FADS1: variants seen among roughly 807,000 people sequenced by gnomAD.
FADS1 encodes acyl-CoA (8-3)-desaturase.
Under a neutral mutation model 61.6 loss-of-function variants are expected in FADS1, and 17 were observed. That is an observed-to-expected ratio of 0.28 (90% CI 0.19 to 0.41). FADS1 has a LOEUF of 0.41. FADS1 is among the 10% of genes least tolerant of loss of function. The pLI, the probability that FADS1 is intolerant of heterozygous loss-of-function variation, is 1.00. For missense variants in FADS1, 387 were observed against 650.9 expected, an observed-to-expected ratio of 0.59 and a Z score of 4.41; for synonymous variants, 238 against 258.7, an observed-to-expected ratio of 0.92 and a Z score of 0.77.
chr11:61,804,614 TG>T, intron 7 of FADS1, 70 bp downstream of exon 7: 2 of 1,310,368 alleles, frequency 1.5e-6, no homozygotes, highest in South Asian at 1.2e-5. Flanking sequence ...AAGTTTCCCC[TG>T]GGGAACCCCT....
At chr11:61,806,535 G>C in intron 6 of FADS1, 129 bp downstream of exon 6, 1 of 786,782 alleles carries the variant, frequency 1.3e-6, no homozygotes, top group Non-Finnish European at 2.2e-6. Context: ...AGTAACTGGG[G>C]GTGGGAGTGG....
At position 61,816,063 on chromosome 11, in the gene FADS1, C is replaced by T; in HGVS notation, c.375+492G>A. 1 of 596,454 alleles carries T rather than the reference C, an allele frequency of 1.7e-6. No homozygotes were observed. The highest frequency in any genetic ancestry group is 1.9e-5 in the African/African-American group (1 of 53,774). The allele number at this position is 596,454 out of a possible 1,614,324, so 36.9% of individuals were successfully genotyped here. ...CCCATCCTCGAGAATGGGCTCCTTT[C>T]CTGCTCCCTCTCCGCTCCTGCTGGC... On this transcript the variant is annotated intron_variant, in intron 1 of 11. Coordinates refer to ENST00000350997, the MANE Select transcript of FADS1 (RefSeq NM_013402.7). The surrounding 1 kb of genome is among the most constrained non-coding windows in gnomAD (Gnocchi z 7.0).
intron 5 of FADS1, among the ~76,000 whole-genome samples, chr11:61,810,171 T>G (rs1269883603): frequency 2.0e-5 from 3 of 152,190 alleles, no homozygotes; most frequent in Non-Finnish European, 4.4e-5. Flanking sequence ...CTTCAGCAGC[T>G]ACATTATTTC....
intron 6 of FADS1, 194 bp from the exon 7 acceptor site, chr11:61,804,955 C>G: frequency 1.7e-6 from 1 of 585,520 alleles, no homozygotes. Context: ...AAATCCAAGT[C>G]TGGGGAAGGC....
Position 61,807,751 on chromosome 11 carries a change from C to T in FADS1, c.916-1027G>A, listed in dbSNP as rs1021355208. On this transcript the variant is annotated intron_variant, in intron 5 of 11. Coordinates refer to ENST00000350997, the MANE Select transcript of FADS1 (RefSeq NM_013402.7). The stretch of plus-strand genomic sequence containing the variant: ...ACTCCATGACTATGTCTGCATCGCA[C>T]TCCAATTAGTTCAGGTAACCAGACA... Among the ~76,000 whole-genome samples the T allele has an allele frequency of 5.9e-5, 9 of 152,296 alleles. No homozygotes were observed. The East Asian group carries it at 1.7e-3, about 29-fold the overall frequency.
intron 2 of FADS1, among the ~76,000 whole-genome samples, chr11:61,812,878 A>G (rs1297426284): frequency 6.6e-6 from 1 of 152,106 alleles, no homozygotes; most frequent in African/African-American, 2.4e-5. Context: ...TTGCTCTGCC[A>G]TTTACTAACT....
chr11:61,814,848 T>C (rs1408183507), intron 1 of FADS1: 17 of 152,292 alleles, frequency 1.1e-4, no homozygotes, highest in Non-Finnish European at 1.8e-4. Context: ...CAACTCCAGC[T>C]GGCTTCACCT....
Position 61,802,379 on chromosome 11 carries a change from CTCT to C in FADS1, c.*29_*31del. On this transcript the variant is annotated 3_prime_UTR_variant, in exon 12 of 12. Coordinates refer to ENST00000350997, the MANE Select transcript of FADS1 (RefSeq NM_013402.7). This position sits in a 1 kb window ranked among gnomAD's most constrained non-coding sequence, Gnocchi z 4.2. ...CTGCCTTGGCTCCAGAGTCTTCCTC[CTCT>C]TCTTCCAGACTGGGCAGGGTGGCTG... 6.4e-7 allele frequency: 1 copy of C among 1,552,686 alleles called. No individual in the cohort carries two copies.
chr11:61,804,562 G>C (rs1174427864), intron 7 of FADS1, 123 bp downstream of exon 7: 2 of 736,748 alleles, frequency 2.7e-6, no homozygotes, highest in Non-Finnish European at 4.7e-6. Context: ...ATCTGTGTCT[G>C]GTTCTATTAT....
rs1445577556 is a variant in FADS1, at chr11:61,810,853, G to A, written c.813C>T (p.His271=). The A allele has an allele frequency of 8.7e-6, 14 of 1,614,092 alleles. No individual in the cohort carries two copies. The highest frequency in any genetic ancestry group is 2.2e-5 in the South Asian group (2 of 91,092). The change falls in exon 5 of 12, where the codon CAC becomes CAT. Residue 271 remains histidine (H), a synonymous_variant. Transcript: ENST00000350997. ...LKGAPASWWN[H]MHFQHHAKPN... Reference sequence around the variant, plus strand: ...GCTTGGCATGGTGCTGGAAGTGCATGTGGTTCCACCAACTGGCGGGGGCCC... The same window carrying A: ...GCTTGGCATGGTGCTGGAAGTGCATATGGTTCCACCAACTGGCGGGGGCCC...
In FADS1 at chr11:61,816,750, G is replaced by A. The variant is rs1299283212; in HGVS notation, c.180C>T (p.Pro60=). The A allele has an allele frequency of 1.3e-6, 2 of 1,549,022 alleles. No homozygotes were observed. The highest frequency in any genetic ancestry group is 1.7e-6 in the Non-Finnish European group (2 of 1,148,388). ...ARGVARPAMA[P]DPVAAETAAQ... is the part of the protein sequence containing the mutation. Reference sequence around the variant, plus strand: ...CCGCGGTCTCGGCGGCCACCGGGTCGGGGGCCATAGCTGGCCTGGCGACGC... The same window carrying A: ...CCGCGGTCTCGGCGGCCACCGGGTCAGGGGCCATAGCTGGCCTGGCGACGC... The change falls in exon 1 of 12, where the codon CCC becomes CCT. Residue 60 remains proline, a synonymous_variant. Transcript: ENST00000350997. The surrounding 1 kb of genome is among the most constrained non-coding windows in gnomAD (Gnocchi z 7.0).
chr11:61,806,769 C>T, intron 5 of FADS1, 45 bp from the exon 6 acceptor site: 2 of 1,568,342 alleles, frequency 1.3e-6, no homozygotes, highest in Non-Finnish European at 1.8e-6. Flanking sequence ...ACCAGTGATT[C>T]CTCCCTCTGT....
chr11:61,812,796 G>C, intron 2 of FADS1, 128 bp from the exon 3 acceptor site: 1 of 752,934 alleles, frequency 1.3e-6, no homozygotes, highest in Middle Eastern at 3.6e-4. Context: ...CCTAGGCAAA[G>C]ATACCACGAC....
In FADS1 at chr11:61,801,882, A is replaced by AT. The variant is rs34397549; in HGVS notation, c.*528dup. ...CTGAGCTCACCTTTTATATGAGTGG[A>AT]TTTTTTTTTTTTTTTTGAAATGGAG... On this transcript the variant is annotated 3_prime_UTR_variant, in exon 12 of 12. Transcript: ENST00000350997. 40,288 of 143,576 alleles carry AT rather than the reference A, an allele frequency of 0.28. 7,095 individuals are homozygous for AT. Among genetic ancestry groups the AT allele is most frequent in the East Asian group, 0.54 (2,677 of 4,916 alleles). 8.9% of individuals were successfully genotyped at this position (143,576 alleles called of 1,614,324 possible).
chr11:61,811,310 C>CT lies in FADS1; in HGVS notation c.685-236dup, dbSNP rs1226819583. Among the ~76,000 whole-genome samples, 232 of 148,062 alleles carry CT rather than the reference C, an allele frequency of 1.6e-3. 1 individual carries two copies. Among genetic ancestry groups the CT allele is most frequent in the Admixed American group, 4.7e-3 (70 of 14,842 alleles). On this transcript the variant is annotated intron_variant, in intron 3 of 11. Transcript: ENST00000350997. ...GTTTCGCCAGCTCCGAAGCTCATGA[C>CT]TTTTTTTTTTTGAGACAGTTTTGTT...
At position 61,815,978 on chromosome 11, in the gene FADS1, A is replaced by C; in HGVS notation, c.375+577T>G. Reference sequence around the variant, plus strand: ...CAGCGCTGTCCCTTCCGCGTCCTCCAGTCTTCACACGACGCAGGGGTCCCC... The same window carrying C: ...CAGCGCTGTCCCTTCCGCGTCCTCCCGTCTTCACACGACGCAGGGGTCCCC... On this transcript the variant is annotated intron_variant, in intron 1 of 11. Transcript: ENST00000350997. This position sits in a 1 kb window ranked among gnomAD's most constrained non-coding sequence, Gnocchi z 6.4. 1.8e-5 allele frequency: 8 copies of C among 437,654 alleles called. No individual in the cohort carries two copies. Among genetic ancestry groups the C allele is most frequent in the Non-Finnish European group, 3.3e-5 (8 of 240,850 alleles). The allele number at this position is 437,654 out of a possible 1,614,324, so 27.1% of individuals were successfully genotyped here.
At chr11:61,814,414 G>A (rs2066956700) in intron 1 of FADS1, 1 of 152,354 alleles carries the variant, frequency 6.6e-6, no homozygotes, top group Non-Finnish European at 1.5e-5. Context: ...TTTTGCCCAA[G>A]AATTTCAGTA....
intron 6 of FADS1, 103 bp from the exon 7 acceptor site, chr11:61,804,864 C>A: frequency 2.1e-6 from 2 of 938,782 alleles, no homozygotes; most frequent in East Asian, 5.0e-5. Flanking sequence ...GCTGCCTCTT[C>A]CAACCATCCC....
At position 61,810,734 on chromosome 11, in the gene FADS1, C is replaced by G; in HGVS notation, c.915+17G>C. On this transcript the variant is annotated intron_variant, in intron 5 of 11. Transcript: ENST00000350997. ...CCTCCTATTCCCCAAGACCTTTCCA[C>G]TGATACCTCCACGCACCTCCACAGA... 6.2e-7 allele frequency: 1 copy of G among 1,614,006 alleles called. No homozygotes were observed. Among genetic ancestry groups the G allele is most frequent in the African/African-American group, 1.3e-5 (1 of 75,046 alleles).
Sources: gnomAD v4.1 joint callset for allele counts (sites outside exome capture counted in the v4.1 genomes callset) on GRCh38, gnomAD v4.1.1 for gene constraint, Gnocchi (gnomAD v3.1) non-coding constraint, MANE v1.5 for transcripts, NCBI Gene and HGNC (gene_info 2026-07-23, HGNC 2026-07-21) for gene names.